The following MSRA variants were observed in gnomAD, a reference collection of about 807,000 sequenced individuals.
MSRA encodes the protein mitochondrial peptide methionine sulfoxide reductase.
A neutral mutation model predicts 31.3 loss-of-function variants in MSRA; 54 were observed. The ratio of observed to expected loss-of-function variants is 1.73; its 90% CI spans 1.39 to 2.17. The LOEUF is 2.17. Ranked by LOEUF, MSRA falls within the 30% of genes most tolerant of loss-of-function variation. The pLI is 0.00. For synonymous variants in MSRA, 169 were observed against 116.5 expected (o/e 1.45, Z -2.90); for missense variants, 507 against 300.9 (o/e 1.69, Z -5.07).
intron 5 of MSRA, among the ~76,000 whole-genome samples, chr8:10,324,471 G>C (rs1298840604): frequency 6.6e-6 from 1 of 152,176 alleles, no homozygotes; most frequent in African/African-American, 2.4e-5. Flanking sequence ...CTGCCCATCA[G>C]AGTGCTGCAC....
chr8:10,140,029 G>A (rs907466186), intron 1 of MSRA, among the ~76,000 whole-genome samples: 2 of 152,208 alleles, frequency 1.3e-5, no homozygotes, highest in Non-Finnish European at 2.9e-5. Flanking sequence ...AGTTTTCTGC[G>A]ACACGGGAGC....
intron 2 of MSRA, among the ~76,000 whole-genome samples, chr8:10,216,529 A>G (rs557724111): frequency 6.6e-6 from 1 of 152,248 alleles, no homozygotes; most frequent in African/African-American, 2.4e-5. Flanking sequence ...CTCCAGAATT[A>G]TTTTATCTTC....
chr8:10,137,781 CT>C lies in MSRA; in HGVS notation c.143-70051del, dbSNP rs200598589. On this transcript the variant is annotated intron_variant, in intron 1 of 5. Coordinates refer to ENST00000317173, the MANE Select transcript of MSRA (RefSeq NM_012331.5). ...TGCCCTGCCCCTTCCAGGTAACCCCCTGAAACTTGAAAACCATTATGTTAAT... is the reference window on the plus strand; with the variant it reads ...TGCCCTGCCCCTTCCAGGTAACCCCCGAAACTTGAAAACCATTATGTTAAT... Among the ~76,000 whole-genome samples, 4 of 152,210 alleles carry C rather than the reference CT, an allele frequency of 2.6e-5. No homozygotes were observed. The East Asian group carries it at 7.7e-4, about 29-fold the overall frequency.
intron 5 of MSRA, among the ~76,000 whole-genome samples, chr8:10,325,854 A>G (rs1490674665): frequency 6.6e-6 from 1 of 152,202 alleles, no homozygotes; most frequent in Non-Finnish European, 1.5e-5. Flanking sequence ...TTTTATATCT[A>G]GGGTAAGCTT....
chr8:10,385,602 T>G (rs182320824), intron 5 of MSRA, among the ~76,000 whole-genome samples: 1 of 152,092 alleles, frequency 6.6e-6, no homozygotes, highest in Non-Finnish European at 1.5e-5. Context: ...GTAAGGAGAT[T>G]AGGAGGGCCT....
chr8:10,154,595 T>C (rs1039469921), intron 1 of MSRA, among the ~76,000 whole-genome samples: 3 of 152,140 alleles, frequency 2.0e-5, no homozygotes, highest in African/African-American at 7.2e-5. Context: ...GTCAGGATGG[T>C]CTTGATCACC....
intron 5 of MSRA, among the ~76,000 whole-genome samples, chr8:10,406,570 C>A (rs536152158): frequency 1.3e-5 from 2 of 152,210 alleles, no homozygotes; most frequent in African/African-American, 4.8e-5. Context: ...GGAATGGGGG[C>A]CACAGAGTCC....
chr8:10,105,056 T>C (rs1431367572), intron 1 of MSRA, among the ~76,000 whole-genome samples: 1 of 152,260 alleles, frequency 6.6e-6, no homozygotes, highest in African/African-American at 2.4e-5. Context: ...TCTTTTAATA[T>C]TGGTAATTTA....
chr8:10,417,251 G>A (rs903368761), intron 5 of MSRA, among the ~76,000 whole-genome samples: 3 of 152,088 alleles, frequency 2.0e-5, no homozygotes, highest in East Asian at 1.9e-4. Context: ...CCCTTTGAAC[G>A]CGCTCCTTGT....
intron 4 of MSRA, among the ~76,000 whole-genome samples, chr8:10,313,122 G>A (rs1392046909): frequency 2.0e-5 from 3 of 152,180 alleles, no homozygotes; most frequent in Admixed American, 2.0e-4. Context: ...GTGGTCATGT[G>A]ACTGAGTTCT....
chr8:10,214,559 T>TTGAC (rs5889323), intron 2 of MSRA, among the ~76,000 whole-genome samples: 34,150 of 151,888 alleles, frequency 0.22, 4,191 homozygotes, highest in East Asian at 0.42. Flanking sequence ...TCCCTGAATC[T>TTGAC]TGACTGAAAA....
intron 5 of MSRA, among the ~76,000 whole-genome samples, chr8:10,413,750 A>G (rs1208232706): frequency 6.6e-6 from 1 of 152,226 alleles, no homozygotes; most frequent in Non-Finnish European, 1.5e-5. Context: ...GGAAGAAAGA[A>G]TGAAACTGGA....
chr8:10,086,986 C>A (rs190258068), intron 1 of MSRA, among the ~76,000 whole-genome samples: 2 of 152,150 alleles, frequency 1.3e-5, no homozygotes, highest in African/African-American at 4.8e-5. Context: ...CTCAGAATTC[C>A]ACACTGGAGC....
chr8:10,202,016 G>A (rs1808547289), intron 1 of MSRA, among the ~76,000 whole-genome samples: 1 of 152,208 alleles, frequency 6.6e-6, no homozygotes, highest in Non-Finnish European at 1.5e-5. Context: ...AGACTCTTGT[G>A]TCTCCATTTG....
intron 1 of MSRA, among the ~76,000 whole-genome samples, chr8:10,111,272 C>G (rs1479764769): frequency 2.0e-5 from 3 of 152,094 alleles, no homozygotes; most frequent in African/African-American, 7.2e-5. Context: ...GTTCGGGTCT[C>G]CAGAGCACTT....
At chr8:10,238,830 T>A (rs753637243) in intron 2 of MSRA, among the ~76,000 whole-genome samples, 5 of 152,322 alleles carry the variant, frequency 3.3e-5, no homozygotes, top group Middle Eastern at 3.4e-3. Context: ...ATATTATCTT[T>A]ATCTTTATAT....
At chr8:10,310,714 A>G (rs975624403) in intron 4 of MSRA, among the ~76,000 whole-genome samples, 2 of 152,228 alleles carry the variant, frequency 1.3e-5, no homozygotes, top group African/African-American at 2.4e-5. Context: ...CACTTACTAC[A>G]TTGCTTGACG....
intron 1 of MSRA, among the ~76,000 whole-genome samples, chr8:10,204,853 G>A (rs1017158805): frequency 3.9e-5 from 6 of 152,188 alleles, no homozygotes; most frequent in Admixed American, 1.3e-4. Flanking sequence ...GCTGAGAGAG[G>A]ATTATGGAAA....
In MSRA at chr8:10,428,468, G is replaced by A. The variant is rs941042700; in HGVS notation, c.*156G>A. 16 of 749,344 alleles carry A rather than the reference G, an allele frequency of 2.1e-5. No homozygotes were observed. Among genetic ancestry groups the A allele is most frequent in the South Asian group, 3.5e-5 (2 of 56,620 alleles). 46.4% of individuals were successfully genotyped at this position (749,344 alleles called of 1,614,324 possible). On this transcript the variant is annotated 3_prime_UTR_variant, in exon 6 of 6. Coordinates refer to ENST00000317173, the MANE Select transcript of MSRA (RefSeq NM_012331.5). ...TACCGAAGTATAATCTATAGGAGGC[G>A]CGATGGCAAGTTGATAAAATGTGAC...
Sources: allele counts gnomAD v4.1 joint callset (sites outside exome capture counted in the v4.1 genomes callset), GRCh38; gene constraint gnomAD v4.1.1; transcripts MANE v1.5; gene names NCBI Gene and HGNC (gene_info 2026-07-23, HGNC 2026-07-21).